Variants in CAGE1 observed in about 807,000 individuals in gnomAD.
CAGE1 encodes cancer-associated gene 1 protein.
Under a neutral mutation model 94.9 loss-of-function variants are expected in CAGE1, and 66 were observed. The ratio of observed to expected loss-of-function variants is 0.70; its 90% CI spans 0.57 to 0.85. CAGE1 has a LOEUF of 0.85. Among genes scored for constraint, CAGE1 ranks in the 40% least tolerant of loss-of-function variants. The pLI, the probability that CAGE1 is intolerant of heterozygous loss-of-function variation, is 0.00. For synonymous variants in CAGE1, 319 were observed against 321.0 expected (o/e 0.99, Z 0.07); for missense variants, 865 against 950.4 (o/e 0.91, Z 1.18).
rs139814778 is a variant in CAGE1, at chr6:7,374,667, A to G, written c.688-536T>C. Among the ~76,000 whole-genome samples the G allele has an allele frequency of 2.8e-3, 420 of 152,218 alleles. 4 individuals carry two copies. Among genetic ancestry groups the G allele is most frequent in the African/African-American group, 9.3e-3 (388 of 41,526 alleles). ...TCATTATTCTGTGACTCTCAGGAACATTAGAATGGCAGAAGAACATGCCTC... is the reference window on the plus strand; with the variant it reads ...TCATTATTCTGTGACTCTCAGGAACGTTAGAATGGCAGAAGAACATGCCTC... On this transcript the variant is annotated intron_variant, in intron 4 of 13. Coordinates refer to ENST00000502583, the MANE Select transcript of CAGE1 (RefSeq NM_001170692.2).
At chr6:7,387,863 CAAA>C (rs70978962) in intron 1 of CAGE1, among the ~76,000 whole-genome samples, 27,711 of 108,700 alleles carry the variant, frequency 0.25, 2,898 homozygotes, top group Non-Finnish European at 0.29. Context: ...ACTAAAAATA[CAAA>C]AAAAAAAAAA....
At chr6:7,367,276 G>A (rs1246950045) in intron 7 of CAGE1, among the ~76,000 whole-genome samples, 2 of 87,604 alleles carry the variant, frequency 2.3e-5, no homozygotes, top group Non-Finnish European at 4.5e-5. Context: ...AATATTTGGG[G>A]GATTTTTTTT....
intron 4 of CAGE1, among the ~76,000 whole-genome samples, chr6:7,375,127 A>C (rs192072520): frequency 2.1e-3 from 315 of 152,096 alleles, no homozygotes; most frequent in Non-Finnish European, 3.3e-3. Flanking sequence ...TTAAAAACCC[A>C]GGGCCGGGTG....
chr6:7,347,709 T>C (rs1759612935), intron 11 of CAGE1, among the ~76,000 whole-genome samples: 1 of 151,876 alleles, frequency 6.6e-6, no homozygotes, highest in Admixed American at 6.6e-5. Context: ...ACCCACTGCC[T>C]GGAAACAGAC....
intron 3 of CAGE1, among the ~76,000 whole-genome samples, chr6:7,380,037 G>A (rs1164857752): frequency 1.3e-5 from 2 of 152,130 alleles, no homozygotes; most frequent in African/African-American, 2.4e-5. Flanking sequence ...ACCTCAAATC[G>A]TGGAATCAGA....
intron 11 of CAGE1, among the ~76,000 whole-genome samples, chr6:7,352,274 C>G (rs1298287475): frequency 9.3e-5 from 10 of 107,040 alleles, no homozygotes; most frequent in African/African-American, 3.6e-4. Context: ...GAACTCAAGC[C>G]TTTTTACAAT....
intron 2 of CAGE1, 76 bp from the exon 3 acceptor site, chr6:7,385,948 C>T (rs543215286): frequency 3.2e-5 from 23 of 715,112 alleles, no homozygotes; most frequent in Non-Finnish European, 4.9e-5. Context: ...CACATTGTTA[C>T]ATAATTCTGC....
At chr6:7,387,902 C>T (rs960729107) in intron 1 of CAGE1, among the ~76,000 whole-genome samples, 15 of 150,094 alleles carry the variant, frequency 1.0e-4, no homozygotes, top group Non-Finnish European at 1.8e-4. Context: ...GGCGCGGTGG[C>T]GTGTGCCTGT....
intron 11 of CAGE1, among the ~76,000 whole-genome samples, chr6:7,336,822 T>C (rs1163484027): frequency 6.6e-6 from 1 of 152,150 alleles, no homozygotes; most frequent in Non-Finnish European, 1.5e-5. Context: ...CATGAATATA[T>C]TTCATGTGCT....
In CAGE1 at chr6:7,378,990, G is replaced by T. The variant is rs1348697933; in HGVS notation, c.314C>A (p.Ala105Glu). The T allele has an allele frequency of 6.5e-7, 1 of 1,538,872 alleles. No homozygotes were observed. Among genetic ancestry groups the T allele is most frequent in the Admixed American group, 2.1e-5 (1 of 46,636 alleles). ...GATGGTGTCAACTGGCTGAATTAGTGCATTCGTTGAGTAATTTTCAATGTT... is the reference window on the plus strand; with the variant it reads ...GATGGTGTCAACTGGCTGAATTAGTTCATTCGTTGAGTAATTTTCAATGTT... ...DNNIENYSTN[A>E]LIQPVDTISI... Residue 105 changes from alanine to glutamate, a missense_variant, in exon 4 of 14, where the codon GCA (alanine) becomes GAA (glutamate). Physicochemically the swap from Ala to Glu is moderately radical, Grantham distance 107 (BLOSUM62 -1). Transcript: ENST00000502583.
intron 7 of CAGE1, 51 bp from the exon 8 acceptor site, chr6:7,365,935 C>G: frequency 1.9e-6 from 2 of 1,066,724 alleles, no homozygotes; most frequent in South Asian, 1.5e-5. Flanking sequence ...CAACTACGCT[C>G]TAATATTTAT....
At chr6:7,381,466 G>A (rs192615539) in intron 3 of CAGE1, among the ~76,000 whole-genome samples, 232 of 151,944 alleles carry the variant, frequency 1.5e-3, no homozygotes, top group Middle Eastern at 0.014. Context: ...TACCCAGTTT[G>A]TGGTGTTTTG....
At chr6:7,354,973 A>G in intron 11 of CAGE1, 68 bp downstream of exon 11, 1 of 1,186,530 alleles carries the variant, frequency 8.4e-7, no homozygotes, top group Non-Finnish European at 1.2e-6. Context: ...GAAAAAAAGA[A>G]TTTAGAATCC....
At chr6:7,364,232 G>A (rs1316543742) in intron 9 of CAGE1, among the ~76,000 whole-genome samples, 4 of 152,110 alleles carry the variant, frequency 2.6e-5, no homozygotes, top group African/African-American at 4.8e-5. Context: ...TTCATAACCT[G>A]CACTTAGAAA....
intron 9 of CAGE1, among the ~76,000 whole-genome samples, chr6:7,356,668 C>T (rs1759964495): frequency 6.6e-6 from 1 of 152,150 alleles, no homozygotes; most frequent in African/African-American, 2.4e-5. Context: ...TATGTGACAT[C>T]TGAAATTAAT....
In CAGE1 at chr6:7,362,075, C is replaced by A. The variant is rs2764080; in HGVS notation, c.2193+3393G>T. On this transcript the variant is annotated intron_variant, in intron 9 of 13. Coordinates refer to ENST00000502583, the MANE Select transcript of CAGE1 (RefSeq NM_001170692.2). The surrounding 1 kb of genome is among the most constrained non-coding windows in gnomAD (Gnocchi z 4.1). The stretch of plus-strand genomic sequence containing the variant: ...CTCACTTGGAAAATTTTTCCTAAAG[C>A]AGTAATTTTCTACTTTGCCTGTTCC... Among the ~76,000 whole-genome samples the A allele has an allele frequency of 0.37, 56,393 of 152,106 alleles. 10,612 individuals are homozygous for A. The highest frequency in any genetic ancestry group is 0.43 in the Admixed American group (6,590 of 15,284).
At chr6:7,329,055 C>A in intron 13 of CAGE1, 1 of 240,676 alleles carries the variant, frequency 4.2e-6, no homozygotes, top group East Asian at 7.1e-5. Context: ...CCTCAGCTGC[C>A]CAAGTAACTG....
intron 9 of CAGE1, among the ~76,000 whole-genome samples, chr6:7,361,806 T>G (rs995580530): frequency 6.6e-6 from 1 of 152,120 alleles, no homozygotes; most frequent in Admixed American, 6.5e-5. Flanking sequence ...AAACAGCTGG[T>G]AAGGTTGACA....
At chr6:7,378,534 G>T in intron 4 of CAGE1, 83 bp downstream of exon 4, 3 of 1,268,468 alleles carry the variant, frequency 2.4e-6, no homozygotes, top group Non-Finnish European at 3.2e-6. Context: ...TACCTCCTCT[G>T]CTTTATAATT....
Sources: allele counts gnomAD v4.1 joint callset (sites outside exome capture counted in the v4.1 genomes callset), GRCh38; gene constraint gnomAD v4.1.1; non-coding constraint Gnocchi (gnomAD v3.1); transcripts MANE v1.5; gene names NCBI Gene and HGNC (gene_info 2026-07-23, HGNC 2026-07-21).